The following BTBD16 variants were observed in gnomAD, a reference collection of about 807,000 sequenced individuals.
BTBD16 encodes BTB domain containing 16, also known as BTB/POZ domain-containing protein 16.
BTBD16 carries 66 observed loss-of-function variants against 67.4 expected under a neutral mutation model. The observed-to-expected ratio is 0.98, with a 90% CI of 0.80 to 1.20. BTBD16 has a LOEUF of 1.20. Ranked by LOEUF, BTBD16 falls within the 50% of genes most tolerant of loss-of-function variation. BTBD16 has a pLI of 0.00. For synonymous variants in BTBD16, 242 were observed against 236.4 expected, an observed-to-expected ratio of 1.02 and a Z score of -0.22; for missense variants, 634 against 616.0, an observed-to-expected ratio of 1.03 and a Z score of -0.31.
rs114810030 is a variant in BTBD16, at chr10:122,326,346, C to G, written c.912-3134C>G. ...TACCCATGAAACAACTCCCATTCCC[C>G]TTCCCCAGCCCCTGGCAGCCACCGT... is the stretch of plus-strand genomic sequence containing the variant. On this transcript the variant is annotated intron_variant, in intron 10 of 15. Transcript: ENST00000260723. 4.1e-3 allele frequency among the ~76,000 whole-genome samples: 628 copies of G among 152,294 alleles called. 8 individuals carry two copies. Among genetic ancestry groups the G allele is most frequent in the African/African-American group, 0.014 (598 of 41,544 alleles).
intron 12 of BTBD16, 191 bp from the exon 13 acceptor site, chr10:122,332,245 C>T (rs1030312185): frequency 1.2e-5 from 7 of 575,008 alleles, no homozygotes; most frequent in African/African-American, 1.9e-5. Context: ...GCACTGGACA[C>T]AGTGCCAGAC....
At chr10:122,310,494 C>G (rs2096411848) in intron 10 of BTBD16, among the ~76,000 whole-genome samples, 1 of 152,152 alleles carries the variant, frequency 6.6e-6, no homozygotes, top group African/African-American at 2.4e-5. Context: ...GAGTCACGGA[C>G]AGCCTGGGCC....
chr10:122,302,414 T>G (rs2096395734), intron 9 of BTBD16, among the ~76,000 whole-genome samples: 1 of 152,212 alleles, frequency 6.6e-6, no homozygotes, highest in Non-Finnish European at 1.5e-5. Context: ...GCTCATGGAC[T>G]TAGGAGGATG....
intron 7 of BTBD16, chr10:122,291,552 G>GA (rs898579888): frequency 1.5e-3 from 260 of 171,262 alleles, no homozygotes; most frequent in Middle Eastern, 2.5e-3. Flanking sequence ...TTGGCTAAAA[G>GA]AAAAAAAAAA....
intron 10 of BTBD16, among the ~76,000 whole-genome samples, chr10:122,316,587 T>G (rs2096424915): frequency 6.6e-6 from 1 of 152,156 alleles, no homozygotes; most frequent in Non-Finnish European, 1.5e-5. Flanking sequence ...GTTCCTGTAC[T>G]GAATATCATA....
At chr10:122,303,341 C>T (rs1443256955) in intron 9 of BTBD16, among the ~76,000 whole-genome samples, 1 of 152,212 alleles carries the variant, frequency 6.6e-6, no homozygotes, top group Non-Finnish European at 1.5e-5. Context: ...ACTTGAAATA[C>T]ATGTTCTCAT....
chr10:122,274,847 C>CAA lies in BTBD16; in HGVS notation c.-42-186_-42-185dup, dbSNP rs58011471. Among the ~76,000 whole-genome samples, 582 of 151,470 alleles carry CAA rather than the reference C, an allele frequency of 3.8e-3. 1 individual carries two copies. Among genetic ancestry groups the CAA allele is most frequent in the African/African-American group, 0.011 (471 of 41,274 alleles). ...AGAGATCTCTCTATTCACCTGCTTA[C>CAA]AAAAAAAACAAAAAACAAAACCAAA... On this transcript the variant is annotated intron_variant, in intron 1 of 15. Transcript: ENST00000260723.
chr10:122,302,143 C>T (rs1246074506), intron 9 of BTBD16, among the ~76,000 whole-genome samples: 3 of 152,196 alleles, frequency 2.0e-5, no homozygotes, highest in Non-Finnish European at 4.4e-5. Context: ...GATGCTGCAG[C>T]TTCTGGGCCA....
intron 7 of BTBD16, among the ~76,000 whole-genome samples, chr10:122,292,296 G>A (rs1216511968): frequency 6.6e-6 from 1 of 152,232 alleles, no homozygotes; most frequent in Non-Finnish European, 1.5e-5. Context: ...AGGATGGAGT[G>A]TTTGCCTTTC....
At chr10:122,304,707 C>T (rs1484095332) in intron 9 of BTBD16, among the ~76,000 whole-genome samples, 1 of 151,920 alleles carries the variant, frequency 6.6e-6, no homozygotes, top group Non-Finnish European at 1.5e-5. Flanking sequence ...GCGCCTGCCA[C>T]CATGCCCGGA....
chr10:122,337,934 T>C, intron 15 of BTBD16, 83 bp from the exon 16 acceptor site: 2 of 1,153,038 alleles, frequency 1.7e-6, no homozygotes, highest in Non-Finnish European at 2.6e-6. Flanking sequence ...TCTACAACTG[T>C]TAGTCCTTCC....
At chr10:122,325,737 A>C (rs1416980100) in intron 10 of BTBD16, among the ~76,000 whole-genome samples, 1 of 151,600 alleles carries the variant, frequency 6.6e-6, no homozygotes, top group African/African-American at 2.4e-5. Context: ...GTGCAGTAGC[A>C]TGATCTTGGC....
At chr10:122,285,044 A>G (rs73359782) in intron 4 of BTBD16, among the ~76,000 whole-genome samples, 1,602 of 152,342 alleles carry the variant, frequency 0.011, 27 homozygotes, top group African/African-American at 0.034. Context: ...CCAGCACTAA[A>G]CAATATCATA....
intron 10 of BTBD16, among the ~76,000 whole-genome samples, chr10:122,308,454 T>C (rs114725922): frequency 0.014 from 2,069 of 152,280 alleles, 32 homozygotes; most frequent in South Asian, 0.048. Flanking sequence ...TCCTGTATAA[T>C]TTTCTTCGTT....
At chr10:122,321,734 C>G (rs1380635376) in intron 10 of BTBD16, among the ~76,000 whole-genome samples, 1 of 151,956 alleles carries the variant, frequency 6.6e-6, no homozygotes, top group African/African-American at 2.4e-5. Context: ...GTTTAAGTTC[C>G]TTATAGATTT....
At chr10:122,295,460 C>T (rs559566574) in intron 7 of BTBD16, 4 of 985,386 alleles carry the variant, frequency 4.1e-6, no homozygotes, top group East Asian at 2.3e-4. Flanking sequence ...GTCAGCAGAG[C>T]AGGAAGCCTG....
At position 122,331,749 on chromosome 10, in the gene BTBD16, C is replaced by T. The variant is rs538594089; in HGVS notation, c.1086+491C>T. Among the ~76,000 whole-genome samples, 9 of 152,254 alleles carry T rather than the reference C, an allele frequency of 5.9e-5. No individual in the cohort carries two copies. The East Asian group carries it at 1.7e-3, about 29-fold the overall frequency. ...TAGTTCTTATGTGTTTTCAATCTCG[C>T]GTTTTTAGAGATGAAGAGGGGCAGT... On this transcript the variant is annotated intron_variant, in intron 12 of 15. Coordinates refer to ENST00000260723, the MANE Select transcript of BTBD16 (RefSeq NM_144587.5).
chr10:122,290,129 AG>A (rs2096371228), intron 6 of BTBD16, 131 bp downstream of exon 6: 3 of 605,696 alleles, frequency 5.0e-6, no homozygotes, highest in Non-Finnish European at 8.5e-6. Context: ...CTTATTAAAA[AG>A]GCCCGAACGT....
chr10:122,298,657 G>T (rs1362882208), intron 8 of BTBD16, among the ~76,000 whole-genome samples: 3 of 152,120 alleles, frequency 2.0e-5, no homozygotes, highest in African/African-American at 7.2e-5. Flanking sequence ...AAAGCCTATG[G>T]TCAGGTTGCC....
Sources: allele counts gnomAD v4.1 joint callset (sites outside exome capture counted in the v4.1 genomes callset), GRCh38; gene constraint gnomAD v4.1.1; transcripts MANE v1.5; gene names NCBI Gene and HGNC (gene_info 2026-07-23, HGNC 2026-07-21).